CTNNA2: variants seen among roughly 807,000 people sequenced by gnomAD.
The protein encoded by CTNNA2 is catenin alpha-2.
CTNNA2 carries 42 observed loss-of-function variants against 101.0 expected under a neutral mutation model. The observed-to-expected ratio is 0.42, with a 90% confidence interval of 0.32 to 0.54. The LOEUF (loss-of-function observed/expected upper bound fraction) is 0.54, where lower values mean the gene tolerates loss of function less well. Ranked by LOEUF, CTNNA2 falls within the 20% of genes least tolerant of loss-of-function variation. The pLI is 0.14. For synonymous variants in CTNNA2, 450 were observed against 456.4 expected (o/e 0.99, Z 0.18); for missense variants, 871 against 1,223.1 (o/e 0.71, Z 4.29).
chr2:80,313,857 T>C (rs1172613669), intron 7 of CTNNA2, among the ~76,000 whole-genome samples: 2 of 152,214 alleles, frequency 1.3e-5, no homozygotes, highest in Admixed American at 1.3e-4. Context: ...AGATACTATG[T>C]GGGCTATGTT....
intron 7 of CTNNA2, among the ~76,000 whole-genome samples, chr2:80,073,771 C>CTT (rs1553443665): frequency 0.011 from 1,612 of 146,474 alleles, 18 homozygotes; most frequent in African/African-American, 0.019. Flanking sequence ...CACACACACA[C>CTT]TTATAGGATT....
rs144820983 is a variant in CTNNA2, at chr2:80,087,247, G to T, written c.1056+177450G>T. Among the ~76,000 whole-genome samples, 871 of 152,128 alleles carry T rather than the reference G, an allele frequency of 5.7e-3. 4 individuals are homozygous for T. The highest frequency in any genetic ancestry group is 0.02 in the African/African-American group (839 of 41,514). On this transcript the variant is annotated intron_variant, in intron 7 of 18. Transcript: ENST00000402739. The stretch of plus-strand genomic sequence containing the variant: ...TCACTTTCTATGTATATCCTGAAAT[G>T]AGTGAAATAAAACTGAAAACCTAAG...
chr2:79,560,772 A>G (rs983140204), intron 1 of CTNNA2, among the ~76,000 whole-genome samples: 3 of 151,964 alleles, frequency 2.0e-5, no homozygotes, highest in Non-Finnish European at 4.4e-5. Flanking sequence ...ATATCCTGGA[A>G]ACGCCTTAGA....
intron 3 of CTNNA2, among the ~76,000 whole-genome samples, chr2:79,804,440 A>G (rs532400861): frequency 2.0e-5 from 3 of 152,190 alleles, no homozygotes; most frequent in Non-Finnish European, 4.4e-5. Flanking sequence ...TTAAAGCAAT[A>G]GAAATATAAT....
At chr2:80,581,083 A>G (rs930084334) in intron 13 of CTNNA2, among the ~76,000 whole-genome samples, 4 of 152,192 alleles carry the variant, frequency 2.6e-5, no homozygotes, top group Admixed American at 6.5e-5. Flanking sequence ...GTCTGATACT[A>G]TACAGATAAT....
chr2:80,460,632 C>G (rs1163338653), intron 9 of CTNNA2, among the ~76,000 whole-genome samples: 2 of 152,108 alleles, frequency 1.3e-5, no homozygotes, highest in Non-Finnish European at 2.9e-5. Context: ...ATGAATCTTA[C>G]AAATACCCTA....
chr2:79,244,586 C>T lies in CTNNA2; in HGVS notation c.-406+46510C>T, dbSNP rs371242662. Among the ~76,000 whole-genome samples, 15 of 152,296 alleles carry T rather than the reference C, an allele frequency of 9.8e-5. 1 individual carries two copies. In the East Asian group the frequency reaches 2.1e-3, roughly 22 times the overall value. The stretch of plus-strand genomic sequence containing the variant: ...CTAGCATAGTAAACATGTAGAAAGA[C>T]AGGCATGGGCATTCACAGGGTTCAT... On this transcript the variant is annotated intron_variant, in intron 2 of 21. Transcript: ENST00000466387.
intron 4 of CTNNA2, among the ~76,000 whole-genome samples, chr2:79,488,704 T>C (rs1460331965): frequency 2.0e-5 from 3 of 152,192 alleles, no homozygotes; most frequent in African/African-American, 7.2e-5. Flanking sequence ...CTCTTCTCAA[T>C]GAACAATTTC....
intron 2 of CTNNA2, among the ~76,000 whole-genome samples, chr2:79,272,945 CAT>C (rs1439295470): frequency 6.6e-6 from 1 of 151,992 alleles, no homozygotes; most frequent in Non-Finnish European, 1.5e-5. Context: ...ATTGGACAAA[CAT>C]TGGCTTAGAT....
At chr2:79,835,020 AT>A (rs1174934995) in intron 3 of CTNNA2, among the ~76,000 whole-genome samples, 1 of 152,086 alleles carries the variant, frequency 6.6e-6, no homozygotes, top group African/African-American at 2.4e-5. Flanking sequence ...CTATAGGTCA[AT>A]TTCTATATGT....
chr2:80,549,724 A>G (rs990125074), intron 11 of CTNNA2, among the ~76,000 whole-genome samples: 6 of 152,128 alleles, frequency 3.9e-5, no homozygotes, highest in African/African-American at 1.4e-4. Context: ...CTTTCTCTTC[A>G]AAACACCTCA....
At chr2:79,694,971 CTAAAGCGGCA>C (rs200406095) in intron 2 of CTNNA2, among the ~76,000 whole-genome samples, 2,870 of 151,082 alleles carry the variant, frequency 0.019, 58 homozygotes, top group African/African-American at 0.047. Flanking sequence ...TTATATCAGC[CTAAAGCGGCA>C]TCATTTAGTG....
At chr2:79,515,383 T>A (rs1405561659) in intron 1 of CTNNA2, among the ~76,000 whole-genome samples, 1 of 152,244 alleles carries the variant, frequency 6.6e-6, no homozygotes, top group African/African-American at 2.4e-5. Flanking sequence ...ACTTTTCCCC[T>A]GCCAGTATGT....
chr2:80,313,733 C>T (rs1401531890), intron 7 of CTNNA2: 5 of 1,059,110 alleles, frequency 4.7e-6, no homozygotes, highest in Non-Finnish European at 7.0e-6. Flanking sequence ...AATATGATTT[C>T]CAAAATGTGA....
chr2:80,631,520 CAA>C (rs1460882612), intron 18 of CTNNA2, among the ~76,000 whole-genome samples: 2 of 151,928 alleles, frequency 1.3e-5, no homozygotes, highest in African/African-American at 4.8e-5. Context: ...TTTGTTGGAC[CAA>C]AGAGATGATA....
intron 7 of CTNNA2, among the ~76,000 whole-genome samples, chr2:79,923,239 G>T (rs894658065): frequency 2.0e-5 from 3 of 152,150 alleles, no homozygotes; most frequent in Non-Finnish European, 2.9e-5. Flanking sequence ...TGTCGATCAT[G>T]TAAGAGACAA....
intron 7 of CTNNA2, among the ~76,000 whole-genome samples, chr2:80,346,786 C>A (rs570573976): frequency 2.6e-5 from 4 of 152,226 alleles, no homozygotes; most frequent in Admixed American, 2.6e-4. Flanking sequence ...ATGTAAATGT[C>A]CAGGAATGAA....
intron 3 of CTNNA2, among the ~76,000 whole-genome samples, chr2:79,327,247 T>A (rs1008246182): frequency 6.6e-6 from 1 of 152,190 alleles, no homozygotes; most frequent in Non-Finnish European, 1.5e-5. Flanking sequence ...GTGCCAGTAT[T>A]TTATATTATT....
intron 18 of CTNNA2, among the ~76,000 whole-genome samples, chr2:80,625,246 G>A (rs867152763): frequency 1.3e-5 from 2 of 151,976 alleles, no homozygotes; most frequent in South Asian, 4.1e-4. Context: ...TAGCTACTCA[G>A]AGGGATAATT....
Sources: allele counts gnomAD v4.1 joint callset (sites outside exome capture counted in the v4.1 genomes callset), GRCh38; gene constraint gnomAD v4.1.1; transcripts MANE v1.5; gene names NCBI Gene and HGNC (gene_info 2026-07-23, HGNC 2026-07-21).